The following NRXN1 variants were observed in gnomAD, a reference collection of about 807,000 sequenced individuals.
NRXN1 encodes neurexin-1.
Under a neutral mutation model 150.9 loss-of-function variants are expected in NRXN1, and 39 were observed. The observed-to-expected ratio is 0.26, with a 90% CI of 0.20 to 0.34. NRXN1 has a LOEUF of 0.34. Among genes scored for constraint, NRXN1 ranks in the 10% least tolerant of loss-of-function variants. The pLI, the probability that NRXN1 is intolerant of heterozygous loss-of-function variation, is 1.00. For missense variants in NRXN1, 1,815 were observed against 1,949.9 expected (o/e 0.93, Z 1.30); for synonymous variants, 924 against 757.0 (o/e 1.22, Z -3.62).
intron 17 of NRXN1, among the ~76,000 whole-genome samples, chr2:50,464,253 T>A (rs2088572980): frequency 6.6e-6 from 1 of 151,760 alleles, no homozygotes; most frequent in South Asian, 2.1e-4. Context: ...AGAACAAATA[T>A]TTCTCCATCT....
chr2:50,209,801 A>G (rs1273389403), intron 18 of NRXN1, among the ~76,000 whole-genome samples: 2 of 152,078 alleles, frequency 1.3e-5, no homozygotes, highest in Non-Finnish European at 2.9e-5. Context: ...ACTTGTTGCA[A>G]TAAAAAATAA....
At chr2:50,057,024 C>T (rs72889587) in intron 19 of NRXN1, among the ~76,000 whole-genome samples, 3 of 152,128 alleles carry the variant, frequency 2.0e-5, no homozygotes, top group East Asian at 1.9e-4. Context: ...ATTACTACTA[C>T]AGTCTATTGA....
intron 8 of NRXN1, among the ~76,000 whole-genome samples, chr2:50,596,261 A>G (rs1054126488): frequency 6.6e-6 from 1 of 152,136 alleles, no homozygotes; most frequent in Non-Finnish European, 1.5e-5. Context: ...TTTTTCAAAG[A>G]TGCTTCCACT....
At chr2:50,620,272 G>GT (rs1559030499) in intron 7 of NRXN1, 89 bp from the exon 8 acceptor site, 6 of 1,382,708 alleles carry the variant, frequency 4.3e-6, no homozygotes, top group African/African-American at 1.5e-5. Context: ...TTTTGCTTTT[G>GT]TTTTTTTGTT....
intron 2 of NRXN1, among the ~76,000 whole-genome samples, chr2:50,991,875 T>G (rs752313776): frequency 2.6e-5 from 4 of 152,048 alleles, no homozygotes; most frequent in Non-Finnish European, 4.4e-5. Context: ...AAGATCCCAT[T>G]AGAAATGCTT....
chr2:50,978,304 AT>A (rs1335758164), intron 2 of NRXN1, among the ~76,000 whole-genome samples: 20 of 132,082 alleles, frequency 1.5e-4, no homozygotes, highest in African/African-American at 4.3e-4. Context: ...ATATATATAT[AT>A]AAAATATATA....
At chr2:50,653,169 G>A (rs1259823909) in intron 5 of NRXN1, among the ~76,000 whole-genome samples, 1 of 151,990 alleles carries the variant, frequency 6.6e-6, no homozygotes, top group Non-Finnish European at 1.5e-5. Flanking sequence ...GATACCATAT[G>A]TTAAAAGAAA....
chr2:50,554,546 A>T (rs376948612), intron 8 of NRXN1: 170 of 152,308 alleles, frequency 1.1e-3, no homozygotes, highest in African/African-American at 3.9e-3. Flanking sequence ...GAAAATACAC[A>T]TAAGTGGGAA....
Position 50,513,706 on chromosome 2 carries a change from A to ACAAAGC in NRXN1, c.2375-7095_2375-7090dup, listed in dbSNP as rs974568576. Among the ~76,000 whole-genome samples, 32 of 152,254 alleles carry ACAAAGC rather than the reference A, an allele frequency of 2.1e-4. 1 individual carries two copies. The highest frequency in any genetic ancestry group is 2.0e-4 in the Admixed American group (3 of 15,280). On this transcript the variant is annotated intron_variant, in intron 12 of 22. Coordinates refer to ENST00000401669, the MANE Select transcript of NRXN1 (RefSeq NM_001330078.2). ...GTGAAGAGAAATAGAGAAGAATAAA[A>ACAAAGC]CAAAGCTGAGACCCTTTCAAGCAAT...
At chr2:50,265,344 G>A (rs2068725832) in intron 17 of NRXN1, among the ~76,000 whole-genome samples, 1 of 152,022 alleles carries the variant, frequency 6.6e-6, no homozygotes, top group Non-Finnish European at 1.5e-5. Flanking sequence ...CTCAGGAAAG[G>A]GCAGCTCTTT....
At chr2:50,551,280 C>T (rs886244949) in intron 9 of NRXN1, 5 of 152,218 alleles carry the variant, frequency 3.3e-5, no homozygotes, top group African/African-American at 4.8e-5. Flanking sequence ...CCTTCCTTCT[C>T]TCCACACTCA....
At chr2:50,782,095 T>C (rs945324608) in intron 5 of NRXN1, among the ~76,000 whole-genome samples, 7 of 151,672 alleles carry the variant, frequency 4.6e-5, no homozygotes, top group African/African-American at 1.7e-4. Context: ...AATGACAGGG[T>C]AGATGCTAAA....
intron 18 of NRXN1, among the ~76,000 whole-genome samples, chr2:50,093,472 A>G (rs201949661): frequency 1.1e-5 from 1 of 89,734 alleles, no homozygotes; most frequent in Non-Finnish European, 2.4e-5. Flanking sequence ...AAAAAGAAAA[A>G]GAAAAAAAAA....
At chr2:50,264,422 A>G (rs1218457059) in intron 17 of NRXN1, among the ~76,000 whole-genome samples, 3 of 152,110 alleles carry the variant, frequency 2.0e-5, no homozygotes, top group Non-Finnish European at 4.4e-5. Flanking sequence ...ATCCATGTAC[A>G]GGTAAACGAC....
chr2:50,918,124 C>G (rs529593392), intron 5 of NRXN1: 2 of 151,738 alleles, frequency 1.3e-5, no homozygotes, highest in South Asian at 4.2e-4. Flanking sequence ...AATTTAAGAT[C>G]TACTCTTCAC....
At chr2:50,508,827 T>C (rs1216924306) in intron 12 of NRXN1, among the ~76,000 whole-genome samples, 1 of 152,200 alleles carries the variant, frequency 6.6e-6, no homozygotes, top group Non-Finnish European at 1.5e-5. Context: ...GCTCCTTTCA[T>C]GCATTATTAA....
rs1486829568 is a variant in NRXN1 at position 50,276,988 on chromosome 2, A to C, written c.3365-40018T>G. 2.0e-5 allele frequency among the ~76,000 whole-genome samples: 3 copies of C among 152,280 alleles called. No individual in the cohort carries two copies. The South Asian group carries it at 6.2e-4, about 32-fold the overall frequency. ...ATTTCATGTAAGCATCATGGATTTG[A>C]TATTTACCTGTATGACAAACAGTTC... On this transcript the variant is annotated intron_variant, in intron 17 of 22. Transcript: ENST00000401669.
intron 5 of NRXN1, among the ~76,000 whole-genome samples, chr2:50,881,188 C>T (rs575366405): frequency 9.9e-5 from 15 of 152,004 alleles, no homozygotes; most frequent in Non-Finnish European, 1.6e-4. Context: ...AAGCATAATA[C>T]GTTAAAATAT....
intron 5 of NRXN1, among the ~76,000 whole-genome samples, chr2:50,777,670 T>G (rs1703831528): frequency 6.6e-6 from 1 of 152,256 alleles, no homozygotes; most frequent in Middle Eastern, 3.4e-3. Flanking sequence ...TGATATTCCA[T>G]TGAGTAAAAT....
Sources: gnomAD v4.1 joint callset for allele counts (sites outside exome capture counted in the v4.1 genomes callset) on GRCh38, gnomAD v4.1.1 for gene constraint, MANE v1.5 for transcripts, NCBI Gene and HGNC (gene_info 2026-07-23, HGNC 2026-07-21) for gene names.